The following RANBP2 variants were observed in gnomAD, a reference collection of about 807,000 sequenced individuals.
RANBP2 encodes the protein E3 SUMO-protein ligase RanBP2.
Under a neutral mutation model 303.6 loss-of-function variants are expected in RANBP2, and 57 were observed. The observed-to-expected ratio is 0.19, with a 90% confidence interval of 0.15 to 0.23. The LOEUF (loss-of-function observed/expected upper bound fraction) is 0.23, where lower values mean the gene tolerates loss of function less well. Ranked by LOEUF, RANBP2 falls within the 10% of genes least tolerant of loss-of-function variation. RANBP2 has a pLI of 1.00. For synonymous variants in RANBP2, 1,167 were observed against 1,301.5 expected, an observed-to-expected ratio of 0.90 and a Z score of 2.23; for missense variants, 3,138 against 3,780.8, an observed-to-expected ratio of 0.83 and a Z score of 4.46.
chr2:109,183,896 C>A, the RANBP2 span, among the ~76,000 whole-genome samples: 3 of 152,204 alleles, frequency 2.0e-5, no homozygotes, highest in Non-Finnish European at 2.9e-5. Flanking sequence ...AAAGTGGGCT[C>A]TAGAATCCCA....
At chr2:109,643,199 A>G in the RANBP2 span, among the ~76,000 whole-genome samples, 1 of 151,948 alleles carries the variant, frequency 6.6e-6, no homozygotes, top group African/African-American at 2.4e-5. Flanking sequence ...AAAAGAAAAA[A>G]AAAAAAAGAT....
the RANBP2 span, among the ~76,000 whole-genome samples, chr2:109,133,573 A>C: frequency 4.6e-5 from 7 of 151,252 alleles, no homozygotes; most frequent in African/African-American, 1.7e-4. Context: ...GTGAAGACTA[A>C]GATTTTCAAA....
the RANBP2 span, among the ~76,000 whole-genome samples, chr2:109,197,185 T>C: frequency 2.0e-5 from 3 of 152,098 alleles, no homozygotes; most frequent in Non-Finnish European, 4.4e-5. Flanking sequence ...AGGAAGGCGG[T>C]AGTCTTGTTG....
chr2:109,150,814 G>C, the RANBP2 span, among the ~76,000 whole-genome samples: 1 of 152,098 alleles, frequency 6.6e-6, no homozygotes, highest in Non-Finnish European at 1.5e-5. Flanking sequence ...GTTCAGACTT[G>C]GGGAGAAATT....
chr2:108,823,746 C>T, the RANBP2 span, among the ~76,000 whole-genome samples: 5 of 152,106 alleles, frequency 3.3e-5, 1 homozygote, highest in South Asian at 6.2e-4. Context: ...TTTGGGAGGC[C>T]AAGGCAGGCG....
the RANBP2 span, among the ~76,000 whole-genome samples, chr2:109,115,808 T>G: frequency 6.6e-6 from 1 of 152,240 alleles, no homozygotes; most frequent in Admixed American, 6.5e-5. Context: ...CTTCAGGAGC[T>G]CTTTTAGGGC....
the RANBP2 span, among the ~76,000 whole-genome samples, chr2:109,604,093 T>G: frequency 2.3e-5 from 3 of 129,194 alleles, no homozygotes; most frequent in South Asian, 2.5e-4. Flanking sequence ...ACCTGGGAGG[T>G]GGAGATTGCA....
At chr2:109,578,964 A>G in the RANBP2 span, among the ~76,000 whole-genome samples, 2 of 152,190 alleles carry the variant, frequency 1.3e-5, no homozygotes, top group African/African-American at 4.8e-5. Context: ...AAAGAAAAGC[A>G]TAAAACTGAA....
At chr2:109,018,012 T>C in the RANBP2 span, among the ~76,000 whole-genome samples, 5 of 152,252 alleles carry the variant, frequency 3.3e-5, no homozygotes, top group Non-Finnish European at 7.3e-5. Flanking sequence ...GGCTTGACTT[T>C]GCAGTCTCAC....
the RANBP2 span, among the ~76,000 whole-genome samples, chr2:109,221,414 C>G: frequency 6.6e-6 from 1 of 152,066 alleles, no homozygotes; most frequent in Admixed American, 6.6e-5. Context: ...AAAACCCTGT[C>G]TCTACTAAAA....
At chr2:109,313,229 C>T in the RANBP2 span, among the ~76,000 whole-genome samples, 4 of 152,212 alleles carry the variant, frequency 2.6e-5, no homozygotes, top group African/African-American at 7.2e-5. Context: ...TCCTTGACAC[C>T]GGCATGATAT....
chr2:108,929,630 C>T, the RANBP2 span, among the ~76,000 whole-genome samples: 1 of 152,192 alleles, frequency 6.6e-6, no homozygotes, highest in South Asian at 2.1e-4. Flanking sequence ...ATGAATTCAG[C>T]GAGCTGCTGG....
the RANBP2 span, chr2:109,618,299 G>A: frequency 2.4e-5 from 4 of 166,728 alleles, no homozygotes; most frequent in South Asian, 8.3e-4. Flanking sequence ...ATGTAAAGCT[G>A]AAGTAACTCT....
chr2:108,922,309 G>A, the RANBP2 span, among the ~76,000 whole-genome samples: 1 of 152,268 alleles, frequency 6.6e-6, no homozygotes, highest in African/African-American at 2.4e-5. Flanking sequence ...TGCGGGCCAT[G>A]GCAGCTGGCT....
chr2:108,962,399 C>T, the RANBP2 span, among the ~76,000 whole-genome samples: 107,466 of 152,086 alleles, frequency 0.71, 43,878 homozygotes, highest in Non-Finnish European at 0.94. Flanking sequence ...ATCGGCCAGA[C>T]GCGGTGGCTC....
chr2:109,230,295 G>T, the RANBP2 span, among the ~76,000 whole-genome samples: 2 of 152,090 alleles, frequency 1.3e-5, no homozygotes, highest in Non-Finnish European at 2.9e-5. Flanking sequence ...TGTAACCCTG[G>T]CCAGGCATAG....
chr2:109,221,703 A>G, the RANBP2 span, among the ~76,000 whole-genome samples: 1 of 152,030 alleles, frequency 6.6e-6, no homozygotes, highest in Non-Finnish European at 1.5e-5. Flanking sequence ...TCCTTCCCCA[A>G]TTTTTAATGG....
At chr2:109,614,509 GGGGCCCCGAGGCGGCGCT>G in the RANBP2 span, 182 of 1,258,626 alleles carry the variant, frequency 1.4e-4, no homozygotes, top group South Asian at 2.0e-3. Context: ...CCGGCAGAGT[GGGGCCCCGAGGCGGCGCT>G]GGGCCCCGAG....
At chr2:109,402,619 G>A in the RANBP2 span, among the ~76,000 whole-genome samples, 15 of 152,296 alleles carry the variant, frequency 9.8e-5, no homozygotes, top group Admixed American at 8.5e-4. Context: ...CAGTCCCCTC[G>A]GGACCCAGTG....
Sources: allele counts gnomAD v4.1 joint callset (sites outside exome capture counted in the v4.1 genomes callset), GRCh38; gene constraint gnomAD v4.1.1; transcripts MANE v1.5; gene names NCBI Gene and HGNC (gene_info 2026-07-23, HGNC 2026-07-21).